Variants in NBPF8 observed in about 807,000 individuals in gnomAD.
NBPF8 encodes NBPF family member NBPF8.
At chr1:120,463,144 G>A (rs1418652305) in intron 21 of NBPF8, among the ~76,000 whole-genome samples, 178 bp downstream of exon 19, 1 of 150,760 alleles carries the variant, frequency 6.6e-6, no homozygotes, top group South Asian at 2.1e-4. Context: ...ACATGAAATG[G>A]GTCAGTGAGC....
At chr1:120,436,109 T>C (rs1418017124), upstream of NBPF8, among the ~76,000 whole-genome samples, 1 of 151,036 alleles carries the variant, frequency 6.6e-6, no homozygotes, top group African/African-American at 2.4e-5. Flanking sequence ...ATGATCCCCA[T>C]TGGTGGTGAC....
chr1:120,466,094 G>T, exon 25 of NBPF8: 1 of 1,611,754 alleles, frequency 6.2e-7, no homozygotes. Flanking sequence ...CAGCACTACA[G>T]AAGTGTGTTT....
chr1:120,431,383 T>C (rs1196954730), upstream of NBPF8, among the ~76,000 whole-genome samples: 2 of 70,962 alleles, frequency 2.8e-5, no homozygotes, highest in Non-Finnish European at 6.2e-5. Flanking sequence ...TATATATATA[T>C]ATATATATAT....
chr1:120,464,320 G>T lies in NBPF8; in HGVS notation n.3287-56G>T, dbSNP rs1171678876. The T allele has an allele frequency of 1.9e-5, 14 of 722,118 alleles. No individual in the cohort carries two copies. In the East Asian group the frequency reaches 3.5e-4, roughly 18 times the overall value. The allele number at this position is 722,118 out of a possible 1,614,324, so 44.7% of individuals were successfully genotyped here. A position where few individuals can be genotyped will look rare whatever the true frequency, so the allele number is the denominator to read the frequency against. On this transcript the variant is annotated intron_variant and non_coding_transcript_variant, in intron 22 of 24. Transcript: ENST00000583271. ...ATGCTACCCATGAAACCTATTTGGGGTTCTGTTGTGTCTGATTTCCCCTGG... is the reference window on the plus strand; with the variant it reads ...ATGCTACCCATGAAACCTATTTGGGTTTCTGTTGTGTCTGATTTCCCCTGG...
chr1:120,415,471 C>T (rs1182317453), upstream of NBPF8, among the ~76,000 whole-genome samples: 5 of 152,146 alleles, frequency 3.3e-5, no homozygotes, highest in African/African-American at 7.2e-5. Context: ...CGCTGCCGCC[C>T]GCAGCCCTCA....
At chr1:120,456,812 T>C (rs1661449723) in intron 16 of NBPF8, among the ~76,000 whole-genome samples, 1 of 151,794 alleles carries the variant, frequency 6.6e-6, no homozygotes, top group Non-Finnish European at 1.5e-5. Flanking sequence ...CGTTATGATG[T>C]TAGCTGGTTA....
exon 25 of NBPF8, chr1:120,467,569 CTAT>C (rs1159386818): frequency 2.3e-5 from 3 of 128,688 alleles, no homozygotes; most frequent in Non-Finnish European, 4.8e-5. Flanking sequence ...CTGCCTGTGT[CTAT>C]TATTATATTC....
chr1:120,416,326 C>T (rs1414600859), upstream of NBPF8, among the ~76,000 whole-genome samples: 1 of 123,808 alleles, frequency 8.1e-6, no homozygotes, highest in Admixed American at 8.7e-5. Context: ...GCAGGTGGTC[C>T]GGGCGCGGTA....
upstream of NBPF8, chr1:120,433,358 G>A (rs1257090499): frequency 1.3e-5 from 2 of 152,606 alleles, no homozygotes; most frequent in African/African-American, 4.8e-5. Flanking sequence ...ACATCAAAGT[G>A]AAAGAATACA....
At chr1:120,451,026 GA>G (rs1336542031) in intron 11 of NBPF8, among the ~76,000 whole-genome samples, 153 bp from the exon 10 acceptor site, 1 of 146,876 alleles carries the variant, frequency 6.8e-6, no homozygotes, top group Non-Finnish European at 1.5e-5. Context: ...AGAAAGTCAG[GA>G]GACTGAAGAG....
At chr1:120,425,284 G>A (rs1660691294) in intron 1 of NBPF8, among the ~76,000 whole-genome samples, 2 of 152,038 alleles carry the variant, frequency 1.3e-5, no homozygotes, top group Non-Finnish European at 2.9e-5. Context: ...ATGTCTCGGT[G>A]TAAAGCCCGA....
chr1:120,450,672 C>CAGATATGATTCTTAAAATCATAACTGA (rs1354590472), intron 11 of NBPF8, among the ~76,000 whole-genome samples: 7 of 152,128 alleles, frequency 4.6e-5, no homozygotes, highest in Non-Finnish European at 1.0e-4. Context: ...CTTTATGCTT[C>CAGATATGATTCTTAAAATCATAACTGA]AGATATGATT....
intron 15 of NBPF8, among the ~76,000 whole-genome samples, chr1:120,454,513 G>A (rs1395169813): frequency 6.6e-6 from 1 of 152,168 alleles, no homozygotes; most frequent in East Asian, 1.9e-4. Context: ...TGTTCCCCAG[G>A]CTTCACTGCT....
At chr1:120,459,664 T>C (rs1661519764) in intron 17 of NBPF8, 134 bp downstream of exon 15, 2 of 884,522 alleles carry the variant, frequency 2.3e-6, no homozygotes, top group African/African-American at 3.4e-5. Flanking sequence ...TCAATGTAGA[T>C]TTCAATCACT....
At chr1:120,464,151 G>GTT (rs1661671252) in intron 22 of NBPF8, among the ~76,000 whole-genome samples, 1 of 102,804 alleles carries the variant, frequency 9.7e-6, no homozygotes, top group South Asian at 3.1e-4. Flanking sequence ...GTGTGTGTGT[G>GTT]TGTGTGTGTG....
chr1:120,428,152 G>A (rs1282033899), intron 3 of NBPF8, among the ~76,000 whole-genome samples: 1 of 151,768 alleles, frequency 6.6e-6, no homozygotes, highest in Non-Finnish European at 1.5e-5. Context: ...TTTGTTGTCT[G>A]TCCCCTCCCT....
chr1:120,416,115 G>A (rs1429643501), upstream of NBPF8, among the ~76,000 whole-genome samples: 10 of 152,000 alleles, frequency 6.6e-5, no homozygotes, highest in African/African-American at 2.4e-4. Context: ...AAGATCTGCT[G>A]GTAGTGTTTA....
At chr1:120,428,542 T>A (rs1476048878) in intron 3 of NBPF8, among the ~76,000 whole-genome samples, 5 of 152,006 alleles carry the variant, frequency 3.3e-5, no homozygotes, top group African/African-American at 1.2e-4. Context: ...TAAACTCCCA[T>A]CAGCTTTAAT....
exon 13 of NBPF8, chr1:120,452,309 C>A (rs1553249018): frequency 4.8e-6 from 7 of 1,449,666 alleles, no homozygotes; most frequent in South Asian, 2.3e-5. Flanking sequence ...TGGCACAGCA[C>A]CTTGTCCAAA....
Sources: allele counts gnomAD v4.1 joint callset (sites outside exome capture counted in the v4.1 genomes callset), GRCh38; gene constraint gnomAD v4.1.1; transcripts MANE v1.5; gene names NCBI Gene and HGNC (gene_info 2026-07-23, HGNC 2026-07-21).